The following ZBTB20 variants were observed in gnomAD, a reference collection of about 807,000 sequenced individuals.
ZBTB20 encodes the protein zinc finger and BTB domain containing 20.
A neutral mutation model predicts 56.9 loss-of-function variants in ZBTB20; 9 were observed. The observed-to-expected ratio is 0.16, with a 90% CI of 0.10 to 0.28. ZBTB20 has a LOEUF of 0.28. Among genes scored for constraint, ZBTB20 ranks in the 10% least tolerant of loss-of-function variants. The probability of loss-of-function intolerance (pLI) is 1.00; values close to 1 mark genes in which losing one functional copy is unlikely to be tolerated. For missense variants in ZBTB20, 655 were observed against 1,003.0 expected (o/e 0.65, Z 4.69); for synonymous variants, 417 against 420.7 (o/e 0.99, Z 0.11).
intron 10 of ZBTB20, among the ~76,000 whole-genome samples, chr3:114,370,329 C>A (rs1393534411): frequency 6.6e-6 from 1 of 152,148 alleles, no homozygotes; most frequent in Non-Finnish European, 1.5e-5. Context: ...CCCATTTATC[C>A]TATGTTTGCT....
chr3:114,522,769 G>T lies in ZBTB20; in HGVS notation c.-294-22378C>A, dbSNP rs574911006. Among the ~76,000 whole-genome samples the T allele has an allele frequency of 9.4e-4, 143 of 152,206 alleles. 1 individual carries two copies. In the Middle Eastern group the frequency reaches 0.017, roughly 18 times the overall value. On this transcript the variant is annotated intron_variant, in intron 6 of 11. Coordinates refer to ENST00000675478, the MANE Select transcript of ZBTB20 (RefSeq NM_001348800.3). ...AGGTCTGGGAGAGAAATAAATTTTT[G>T]ATTTGAGTAACCCTAAAGGTGGAGC...
chr3:115,047,889 A>AT (rs1313080845), intron 2 of ZBTB20, among the ~76,000 whole-genome samples: 1 of 152,144 alleles, frequency 6.6e-6, no homozygotes, highest in Non-Finnish European at 1.5e-5. Flanking sequence ...TATATTCATG[A>AT]TTTTGCAATA....
intron 7 of ZBTB20, among the ~76,000 whole-genome samples, chr3:114,402,974 G>C (rs1452666123): frequency 6.6e-6 from 1 of 152,080 alleles, no homozygotes; most frequent in East Asian, 1.9e-4. Context: ...AGGACTTGGT[G>C]GGCCAGACAC....
At chr3:114,480,204 C>G (rs908434997) in intron 7 of ZBTB20, among the ~76,000 whole-genome samples, 1 of 151,968 alleles carries the variant, frequency 6.6e-6, no homozygotes, top group African/African-American at 2.4e-5. Flanking sequence ...GTTCTCAGCA[C>G]AGAAGTGATT....
chr3:114,930,985 T>C (rs1303265076), intron 3 of ZBTB20: 1 of 177,826 alleles, frequency 5.6e-6, no homozygotes, highest in Non-Finnish European at 1.3e-5. Flanking sequence ...ATTACCAGAA[T>C]AGTGAGAGTG....
intron 1 of ZBTB20, among the ~76,000 whole-genome samples, chr3:115,128,727 C>CAGTGGAGGGGAGGGGAGGGG: frequency 2.3e-5 from 1 of 43,074 alleles, no homozygotes; most frequent in African/African-American, 8.9e-5. Context: ...GAGGGGAGGG[C>CAGTGGAGGGGAGGGGAGGGG]AGTGGAGGGG....
At chr3:114,833,526 T>G (rs2073962585) in intron 4 of ZBTB20, among the ~76,000 whole-genome samples, 1 of 152,030 alleles carries the variant, frequency 6.6e-6, no homozygotes, top group South Asian at 2.1e-4. Context: ...CAAGAGAATT[T>G]TTTTTATTGT....
chr3:115,087,527 G>A (rs1218470544), intron 1 of ZBTB20, among the ~76,000 whole-genome samples: 1 of 151,832 alleles, frequency 6.6e-6, no homozygotes, highest in Non-Finnish European at 1.5e-5. Flanking sequence ...AGTAGCCAAA[G>A]AAAAGAAGGA....
At chr3:114,382,536 A>C (rs2084504885) in intron 8 of ZBTB20, among the ~76,000 whole-genome samples, 1 of 152,114 alleles carries the variant, frequency 6.6e-6, no homozygotes, top group South Asian at 2.1e-4. Flanking sequence ...TGCCCTGTTG[A>C]AATCATACTT....
intron 6 of ZBTB20, among the ~76,000 whole-genome samples, chr3:114,654,185 G>C (rs2060275039): frequency 6.6e-6 from 1 of 151,594 alleles, no homozygotes; most frequent in Non-Finnish European, 1.5e-5. Context: ...TCTTAAAGTG[G>C]AAACCTACGC....
intron 4 of ZBTB20, among the ~76,000 whole-genome samples, chr3:114,872,309 T>C (rs2076044371): frequency 6.6e-6 from 1 of 152,070 alleles, no homozygotes; most frequent in Non-Finnish European, 1.5e-5. Flanking sequence ...AAGTCAAAAA[T>C]ATAAACAACT....
chr3:114,391,304 C>A (rs766837894), intron 7 of ZBTB20, among the ~76,000 whole-genome samples: 9 of 152,204 alleles, frequency 5.9e-5, no homozygotes, highest in African/African-American at 2.2e-4. Flanking sequence ...AAAGCTGCTA[C>A]AATGTAGCCC....
intron 4 of ZBTB20, among the ~76,000 whole-genome samples, chr3:114,890,594 C>T (rs1174175171): frequency 6.6e-6 from 1 of 152,042 alleles, no homozygotes; most frequent in Non-Finnish European, 1.5e-5. Context: ...CACACCGGGC[C>T]TGTCCTGGGG....
chr3:114,858,537 T>C (rs1318234274), intron 4 of ZBTB20, among the ~76,000 whole-genome samples: 1 of 152,056 alleles, frequency 6.6e-6, no homozygotes, highest in Non-Finnish European at 1.5e-5. Flanking sequence ...TGTGTGTGTG[T>C]GTGTGTGTGT....
Position 115,043,284 on chromosome 3 carries a change from C to T in ZBTB20, c.-507+27935G>A, listed in dbSNP as rs563763888. On this transcript the variant is annotated intron_variant, in intron 2 of 11. Coordinates refer to ENST00000675478, the MANE Select transcript of ZBTB20 (RefSeq NM_001348800.3). ...GTTTAAAAAGTAGTTGAAGGCCAGG[C>T]ATGGTGGCTCACACCTGTAATCCCA... Among the ~76,000 whole-genome samples the T allele has an allele frequency of 3.3e-5, 5 of 152,066 alleles. No individual in the cohort carries two copies. The South Asian group carries it at 8.3e-4, about 25-fold the overall frequency.
chr3:114,930,166 A>G (rs923542190), intron 3 of ZBTB20, among the ~76,000 whole-genome samples: 1 of 152,184 alleles, frequency 6.6e-6, no homozygotes, highest in Non-Finnish European at 1.5e-5. Flanking sequence ...CTAAGTGACT[A>G]CTAAGTAGTG....
chr3:114,745,600 A>G (rs2066981080), intron 5 of ZBTB20, among the ~76,000 whole-genome samples: 1 of 152,118 alleles, frequency 6.6e-6, no homozygotes, highest in African/African-American at 2.4e-5. Flanking sequence ...TCTGTTCCTG[A>G]TCTCTAAAAA....
At chr3:114,761,857 A>C (rs2068468943) in intron 5 of ZBTB20, among the ~76,000 whole-genome samples, 1 of 151,946 alleles carries the variant, frequency 6.6e-6, no homozygotes, top group Admixed American at 6.6e-5. Flanking sequence ...AAAAAAAAAG[A>C]AAGAAAATGA....
chr3:114,774,638 G>T (rs2069453872), intron 5 of ZBTB20, among the ~76,000 whole-genome samples: 1 of 152,046 alleles, frequency 6.6e-6, no homozygotes, highest in South Asian at 2.1e-4. Flanking sequence ...AAAGGGGGTG[G>T]ATAACAAATC....
Sources: gnomAD v4.1 joint callset for allele counts (sites outside exome capture counted in the v4.1 genomes callset) on GRCh38, gnomAD v4.1.1 for gene constraint, MANE v1.5 for transcripts, NCBI Gene and HGNC (gene_info 2026-07-23, HGNC 2026-07-21) for gene names.